RBFOX1: variants seen among roughly 807,000 people sequenced by gnomAD.
RBFOX1 encodes the protein RNA binding fox-1 homolog 1.
In RBFOX1, 8 loss-of-function variants were observed where a neutral mutation model predicts 57.7. The ratio of observed to expected loss-of-function variants is 0.14; its 90% CI spans 0.08 to 0.25. The LOEUF (loss-of-function observed/expected upper bound fraction) is 0.25, where lower values mean the gene tolerates loss of function less well. Ranked by LOEUF, RBFOX1 falls within the 10% of genes least tolerant of loss-of-function variation. RBFOX1 has a pLI of 1.00. For synonymous variants in RBFOX1, 326 were observed against 222.4 expected (o/e 1.47, Z -4.15); for missense variants, 611 against 548.5 (o/e 1.11, Z -1.14).
intron 1 of RBFOX1, among the ~76,000 whole-genome samples, chr16:5,260,137 G>T (rs1202692026): frequency 6.6e-6 from 1 of 152,208 alleles, no homozygotes; most frequent in Non-Finnish European, 1.5e-5. Flanking sequence ...GGAGGTGGAG[G>T]TTTGGTGAGC....
intron 1 of RBFOX1, among the ~76,000 whole-genome samples, chr16:5,447,408 C>CTG (rs1441902323): frequency 1.3e-5 from 2 of 151,782 alleles, no homozygotes; most frequent in African/African-American, 4.8e-5. Context: ...CTCTCTCTCT[C>CTG]TCGACGCAGT....
At chr16:6,431,892 G>GCTTGCTTT (rs1439919883) in intron 2 of RBFOX1, among the ~76,000 whole-genome samples, 1 of 118,120 alleles carries the variant, frequency 8.5e-6, no homozygotes, top group East Asian at 2.4e-4. Flanking sequence ...ATGCTTGCTT[G>GCTTGCTTT]CTTGCTTTCT....
intron 1 of RBFOX1, among the ~76,000 whole-genome samples, chr16:6,263,107 A>G (rs12448287): frequency 0.19 from 29,250 of 152,108 alleles, 4,758 homozygotes; most frequent in African/African-American, 0.44. Context: ...GTTTAGGAGA[A>G]CACAGAGTGC....
intron 4 of RBFOX1, among the ~76,000 whole-genome samples, chr16:7,244,951 G>T (rs2094228538): frequency 6.6e-6 from 1 of 152,348 alleles, no homozygotes; most frequent in African/African-American, 2.4e-5. Flanking sequence ...GTAGGGAGCA[G>T]TGGGGATTGT....
At chr16:6,805,883 A>C (rs981093785) in intron 3 of RBFOX1, among the ~76,000 whole-genome samples, 2 of 152,106 alleles carry the variant, frequency 1.3e-5, no homozygotes, top group African/African-American at 4.8e-5. Flanking sequence ...AACACGAATC[A>C]CTAGCCTTTA....
intron 3 of RBFOX1, among the ~76,000 whole-genome samples, chr16:6,847,120 A>G (rs1481534509): frequency 6.6e-6 from 1 of 152,198 alleles, no homozygotes; most frequent in Non-Finnish European, 1.5e-5. Context: ...AACCCTGCTC[A>G]GAGATGGTTC....
At position 7,518,528 on chromosome 16, in the gene RBFOX1, G is replaced by A. The variant is rs531748399; in HGVS notation, c.270+139G>A. 13 of 1,120,434 alleles carry A rather than the reference G, an allele frequency of 1.2e-5. No homozygotes were observed. The South Asian group carries it at 2.5e-4, about 21-fold the overall frequency. The allele number at this position is 1,120,434 out of a possible 1,614,324, so 69.4% of individuals were successfully genotyped here. On this transcript the variant is annotated intron_variant, in intron 5 of 15. Transcript: ENST00000550418. ...CCCTAAGCCCACCCTCATCATACCAGCTTCCTGAAGTTTACCTCATTTCCA... is the reference window on the plus strand; with the variant it reads ...CCCTAAGCCCACCCTCATCATACCAACTTCCTGAAGTTTACCTCATTTCCA...
intron 2 of RBFOX1, among the ~76,000 whole-genome samples, chr16:5,531,692 A>T (rs1178787447): frequency 3.9e-5 from 6 of 152,234 alleles, no homozygotes; most frequent in Non-Finnish European, 5.9e-5. Context: ...TAAGGTACTC[A>T]AAGCAGTGCC....
chr16:7,252,757 A>G (rs1434919723), intron 4 of RBFOX1, among the ~76,000 whole-genome samples: 2 of 144,964 alleles, frequency 1.4e-5, no homozygotes, highest in Non-Finnish European at 3.0e-5. Flanking sequence ...GGCTATTATT[A>G]TTTCCACTTT....
intron 3 of RBFOX1, among the ~76,000 whole-genome samples, chr16:7,046,221 G>C (rs1005117230): frequency 6.7e-6 from 1 of 149,244 alleles, no homozygotes; most frequent in Admixed American, 6.7e-5. Context: ...TATAAAGTGT[G>C]AGGTTTAGGT....
At chr16:7,256,661 A>G (rs2153046624) in intron 4 of RBFOX1, among the ~76,000 whole-genome samples, 1 of 152,312 alleles carries the variant, frequency 6.6e-6, no homozygotes, top group Middle Eastern at 3.4e-3. Context: ...TGTAACTAAG[A>G]ATCCATTTCC....
At chr16:5,463,831 C>A (rs771626838) in intron 1 of RBFOX1, among the ~76,000 whole-genome samples, 1 of 151,394 alleles carries the variant, frequency 6.6e-6, no homozygotes, top group African/African-American at 2.4e-5. Flanking sequence ...AAAAAAAAAT[C>A]CACTTCATGG....
chr16:7,474,230 T>C (rs543731615), intron 4 of RBFOX1, among the ~76,000 whole-genome samples: 1 of 152,262 alleles, frequency 6.6e-6, no homozygotes, highest in African/African-American at 2.4e-5. Flanking sequence ...GAAGTTGCAG[T>C]GAGCCGAGAT....
intron 1 of RBFOX1, among the ~76,000 whole-genome samples, chr16:5,420,281 G>A (rs1041004448): frequency 6.6e-6 from 1 of 152,122 alleles, no homozygotes; most frequent in Non-Finnish European, 1.5e-5. Flanking sequence ...GGTAACCAGG[G>A]AATAGTAAGA....
At chr16:6,865,548 G>T (rs34574382) in intron 3 of RBFOX1, among the ~76,000 whole-genome samples, 1 of 152,030 alleles carries the variant, frequency 6.6e-6, no homozygotes, top group African/African-American at 2.4e-5. Context: ...ATTGTATCAG[G>T]TGGTAGAAAT....
intron 1 of RBFOX1, among the ~76,000 whole-genome samples, chr16:5,326,737 C>T (rs1413902504): frequency 1.3e-5 from 2 of 152,144 alleles, no homozygotes; most frequent in Non-Finnish European, 2.9e-5. Context: ...ACCTGGCAGC[C>T]TTGATGATGA....
chr16:6,878,025 T>C (rs559904716), intron 3 of RBFOX1, among the ~76,000 whole-genome samples: 1 of 152,208 alleles, frequency 6.6e-6, no homozygotes, highest in South Asian at 2.1e-4. Flanking sequence ...AAGGATGTTG[T>C]TGCCTCTAAG....
intron 4 of RBFOX1, among the ~76,000 whole-genome samples, chr16:7,148,638 C>G (rs552203659): frequency 6.6e-6 from 1 of 152,176 alleles, no homozygotes; most frequent in Non-Finnish European, 1.5e-5. Flanking sequence ...GTGATAAATT[C>G]CAGTTGTGTA....
chr16:5,567,635 CAAAAAAAAA>C (rs34858401), intron 2 of RBFOX1, among the ~76,000 whole-genome samples: 11 of 63,162 alleles, frequency 1.7e-4, no homozygotes, highest in African/African-American at 4.5e-4. Context: ...AGGTTATAGG[CAAAAAAAAA>C]AAAAAAAAAA....
Sources: gnomAD v4.1 joint callset for allele counts (sites outside exome capture counted in the v4.1 genomes callset) on GRCh38, gnomAD v4.1.1 for gene constraint, MANE v1.5 for transcripts, NCBI Gene and HGNC (gene_info 2026-07-23, HGNC 2026-07-21) for gene names.